PLPPR1: variants seen among roughly 807,000 people sequenced by gnomAD.
The protein encoded by PLPPR1 is phospholipid phosphatase-related protein type 1.
A neutral mutation model predicts 33.1 loss-of-function variants in PLPPR1; 10 were observed. That is an observed-to-expected ratio of 0.30 (90% CI 0.19 to 0.51). The LOEUF (loss-of-function observed/expected upper bound fraction) is 0.51. Ranked by LOEUF, PLPPR1 falls within the 20% of genes least tolerant of loss-of-function variation. The pLI is 0.97. For missense variants in PLPPR1, 304 were observed against 408.1 expected (o/e 0.74, Z 2.20); for synonymous variants, 151 against 151.0 (o/e 1.00, Z 0.00).
intron 1 of PLPPR1, among the ~76,000 whole-genome samples, chr9:101,054,251 A>G (rs915259164): frequency 3.0e-4 from 46 of 152,152 alleles, no homozygotes; most frequent in Non-Finnish European, 1.6e-4. Context: ...AATATCAAAA[A>G]CTATTAATGT....
intron 2 of PLPPR1, among the ~76,000 whole-genome samples, chr9:101,204,188 A>G (rs1306621633): frequency 6.6e-6 from 1 of 152,154 alleles, no homozygotes. Context: ...TTTGTTTTCA[A>G]GAGGTAGAGT....
At chr9:101,238,232 A>C (rs918857758) in intron 2 of PLPPR1, among the ~76,000 whole-genome samples, 48 of 136,040 alleles carry the variant, frequency 3.5e-4, no homozygotes, top group Non-Finnish European at 5.8e-4. Context: ...ACACCTCTCT[A>C]TATATACCTA....
chr9:101,090,986 C>T (rs986885958), intron 1 of PLPPR1, among the ~76,000 whole-genome samples: 5 of 151,448 alleles, frequency 3.3e-5, no homozygotes, highest in African/African-American at 9.7e-5. Flanking sequence ...TTTTCTTCTT[C>T]CCCCCTCCAC....
intron 1 of PLPPR1, among the ~76,000 whole-genome samples, chr9:101,060,915 A>T (rs2118465883): frequency 6.6e-6 from 1 of 152,094 alleles, no homozygotes; most frequent in African/African-American, 2.4e-5. Context: ...TAACAAAAAA[A>T]GTGGTAATTC....
intron 1 of PLPPR1, among the ~76,000 whole-genome samples, chr9:101,032,717 C>T (rs955159604): frequency 2.6e-5 from 4 of 152,226 alleles, no homozygotes; most frequent in Admixed American, 6.5e-5. Context: ...ATTTCTCCAA[C>T]GTGATCAACT....
intron 5 of PLPPR1, among the ~76,000 whole-genome samples, chr9:101,311,095 A>AT (rs1270072234): frequency 1.6e-4 from 25 of 152,136 alleles, no homozygotes; most frequent in African/African-American, 3.4e-4. Context: ...CTTTTCCTGT[A>AT]TTTTTTATCA....
chr9:101,308,824 C>T (rs941858058), intron 4 of PLPPR1, among the ~76,000 whole-genome samples: 1 of 152,130 alleles, frequency 6.6e-6, no homozygotes, highest in Admixed American at 6.5e-5. Context: ...GTATTTTGCA[C>T]GTAGATTATT....
chr9:101,036,701 C>CAAAAAA lies in PLPPR1; in HGVS notation c.-46+7614_-46+7619dup, dbSNP rs5899427. 1.5e-4 allele frequency among the ~76,000 whole-genome samples: 16 copies of CAAAAAA among 103,692 alleles called. No homozygotes were observed. In the East Asian group the frequency reaches 2.2e-3, roughly 14 times the overall value. The allele number at this position is 103,692 out of a possible 152,430, so 68.0% of individuals were successfully genotyped here. A position where few individuals can be genotyped will look rare whatever the true frequency, so the allele number is the denominator to read the frequency against. ...AATGACAAAGCTTGGCTATTTCTGC[C>CAAAAAA]AAAAAAAAAAAAAAAAAAAAGAAGA... On this transcript the variant is annotated intron_variant, in intron 1 of 7. Transcript: ENST00000374874.
Position 101,317,510 on chromosome 9 carries a change from G to T in PLPPR1, c.945+14G>T, listed in dbSNP as rs753552859. 8.1e-6 allele frequency: 13 copies of T among 1,609,456 alleles called. No individual in the cohort carries two copies. The Admixed American group carries it at 1.2e-4, about 15-fold the overall frequency. On this transcript the variant is annotated intron_variant, in intron 7 of 7. Coordinates refer to ENST00000374874, the MANE Select transcript of PLPPR1 (RefSeq NM_207299.2). Reference sequence around the variant, plus strand: ...TTAAGTGCACAGGTATGGTAAAGCAGTTTTAGCAAACCAAACCCACAGGCT... The same window carrying T: ...TTAAGTGCACAGGTATGGTAAAGCATTTTTAGCAAACCAAACCCACAGGCT...
chr9:101,235,211 TC>T lies in PLPPR1; in HGVS notation c.64-34664del, dbSNP rs1303243000. On this transcript the variant is annotated intron_variant, in intron 2 of 7. Transcript: ENST00000374874. ...TTCCACATTTGCATATTTTACTTTT[TC>T]CCCCGATTCCTTTCATGATTGTTTG... Among the ~76,000 whole-genome samples the T allele has an allele frequency of 5.9e-5, 9 of 152,000 alleles. No individual in the cohort carries two copies. In the South Asian group the frequency reaches 1.9e-3, roughly 31 times the overall value.
intron 1 of PLPPR1, among the ~76,000 whole-genome samples, chr9:101,180,094 T>TTATATATATA (rs71507977): frequency 3.2e-5 from 2 of 62,016 alleles, no homozygotes; most frequent in Non-Finnish European, 3.1e-5. Flanking sequence ...AAACTCTCCT[T>TTATATATATA]TATATATATA....
At chr9:101,318,601 G>A (rs1002507674) in intron 7 of PLPPR1, among the ~76,000 whole-genome samples, 4 of 152,054 alleles carry the variant, frequency 2.6e-5, no homozygotes, top group African/African-American at 7.2e-5. Flanking sequence ...GCAAAACCCT[G>A]TCTCTACTAA....
chr9:101,316,777 A>G (rs1829060730), intron 6 of PLPPR1, among the ~76,000 whole-genome samples: 1 of 152,154 alleles, frequency 6.6e-6, no homozygotes, highest in African/African-American at 2.4e-5. Flanking sequence ...CATAATCTGA[A>G]GATGACTATC....
chr9:101,219,223 T>A (rs895846790), intron 2 of PLPPR1, among the ~76,000 whole-genome samples: 1 of 152,230 alleles, frequency 6.6e-6, no homozygotes, highest in African/African-American at 2.4e-5. Flanking sequence ...AGACACCATG[T>A]AGATAGATGG....
intron 1 of PLPPR1, among the ~76,000 whole-genome samples, chr9:101,145,074 T>C (rs1831503886): frequency 6.6e-6 from 1 of 152,168 alleles, no homozygotes; most frequent in South Asian, 2.1e-4. Context: ...GTTTCATTCA[T>C]GTTGCTGTAA....
At chr9:101,299,001 T>C (rs2118937806) in intron 4 of PLPPR1, among the ~76,000 whole-genome samples, 1 of 152,290 alleles carries the variant, frequency 6.6e-6, no homozygotes, top group Non-Finnish European at 1.5e-5. Context: ...GCCAGCTCCA[T>C]GTGCTGACCG....
intron 1 of PLPPR1, among the ~76,000 whole-genome samples, chr9:101,124,725 G>A (rs1831223180): frequency 6.6e-6 from 1 of 152,190 alleles, no homozygotes; most frequent in Non-Finnish European, 1.5e-5. Flanking sequence ...ATCTTCAGAT[G>A]TTTCGTGGGC....
At chr9:101,266,406 AAG>A (rs527631963) in intron 2 of PLPPR1, among the ~76,000 whole-genome samples, 6 of 142,744 alleles carry the variant, frequency 4.2e-5, no homozygotes, top group African/African-American at 1.7e-4. Flanking sequence ...CAAAAAAAAA[AAG>A]AAAGAAAGAA....
At chr9:101,175,368 T>G (rs1284220037) in intron 1 of PLPPR1, among the ~76,000 whole-genome samples, 2 of 152,264 alleles carry the variant, frequency 1.3e-5, no homozygotes, top group East Asian at 3.9e-4. Flanking sequence ...ATTGAAAACA[T>G]TTTTGTCTAC....
Sources: allele counts gnomAD v4.1 joint callset (sites outside exome capture counted in the v4.1 genomes callset), GRCh38; gene constraint gnomAD v4.1.1; transcripts MANE v1.5; gene names NCBI Gene and HGNC (gene_info 2026-07-23, HGNC 2026-07-21).